WDR41: variants seen among roughly 807,000 people sequenced by gnomAD.
WDR41 encodes the protein WD repeat domain 41.
A neutral mutation model predicts 69.3 loss-of-function variants in WDR41; 63 were observed. The observed-to-expected ratio is 0.91, with a 90% CI of 0.74 to 1.12. The LOEUF is 1.12. Ranked by LOEUF, WDR41 falls within the 50% of genes most tolerant of loss-of-function variation. WDR41 has a pLI of 0.00. For missense variants in WDR41, 543 were observed against 534.5 expected (o/e 1.02, Z -0.16); for synonymous variants, 185 against 192.1 (o/e 0.96, Z 0.31).
chr5:77,583,262 C>A, intron 1 of WDR41: 1 of 614,624 alleles, frequency 1.6e-6, no homozygotes. Context: ...TCCCTGTTAT[C>A]TCAACATTTT....
At chr5:77,564,381 C>T (rs1052219336) in intron 1 of WDR41, among the ~76,000 whole-genome samples, 1 of 152,144 alleles carries the variant, frequency 6.6e-6, no homozygotes, top group African/African-American at 2.4e-5. Flanking sequence ...TATTAAGACT[C>T]TGTCTATATA....
chr5:77,613,822 G>A (rs1413591644), intron 1 of WDR41, among the ~76,000 whole-genome samples: 1 of 152,176 alleles, frequency 6.6e-6, no homozygotes, highest in African/African-American at 2.4e-5. Flanking sequence ...AAGAGCTTCT[G>A]CAAAGCAAAA....
intron 5 of WDR41, 36 bp downstream of exon 5, chr5:77,459,026 A>T (rs954128781): frequency 6.9e-7 from 1 of 1,442,780 alleles, no homozygotes; most frequent in African/African-American, 1.4e-5. Context: ...ACAAAAATAG[A>T]TTGTCATAAA....
intron 2 of WDR41, among the ~76,000 whole-genome samples, chr5:77,488,751 G>A (rs764331332): frequency 2.6e-5 from 4 of 152,128 alleles, no homozygotes; most frequent in Non-Finnish European, 5.9e-5. Flanking sequence ...AGAAAACATG[G>A]TGAATAAGAA....
chr5:77,478,679 A>G (rs1801082983), intron 2 of WDR41, among the ~76,000 whole-genome samples: 1 of 152,098 alleles, frequency 6.6e-6, no homozygotes, highest in Non-Finnish European at 1.5e-5. Context: ...CGTATTTCAA[A>G]ATAATAAGAG....
intron 10 of WDR41, 103 bp downstream of exon 10, chr5:77,438,137 C>T: frequency 6.5e-7 from 1 of 1,533,886 alleles, no homozygotes; most frequent in Non-Finnish European, 8.9e-7. Context: ...CACAGCAGGT[C>T]AAGCCATGAA....
intron 1 of WDR41, among the ~76,000 whole-genome samples, chr5:77,606,610 C>T (rs1268440528): frequency 6.6e-6 from 1 of 151,918 alleles, no homozygotes; most frequent in Non-Finnish European, 1.5e-5. Flanking sequence ...CAAGACCAGC[C>T]TGAGCAACAC....
intron 2 of WDR41, among the ~76,000 whole-genome samples, chr5:77,475,896 CA>C (rs1370737736): frequency 6.6e-6 from 1 of 151,864 alleles, no homozygotes; most frequent in Non-Finnish European, 1.5e-5. Flanking sequence ...ACATTCAAAC[CA>C]AAGGCAAAGA....
At chr5:77,528,854 AC>A in intron 1 of WDR41, among the ~76,000 whole-genome samples, 1 of 151,620 alleles carries the variant, frequency 6.6e-6, no homozygotes, top group Non-Finnish European at 1.5e-5. Flanking sequence ...TTAAAAAAGA[AC>A]TTTCAGCAAA....
chr5:77,529,220 A>G (rs1802489454), intron 1 of WDR41, among the ~76,000 whole-genome samples: 1 of 151,580 alleles, frequency 6.6e-6, no homozygotes, highest in Admixed American at 6.6e-5. Context: ...AACAAAATCA[A>G]TTTATTTCTA....
chr5:77,619,137 G>A (rs1029646840), intron 1 of WDR41, among the ~76,000 whole-genome samples: 2 of 152,164 alleles, frequency 1.3e-5, no homozygotes, highest in Non-Finnish European at 2.9e-5. Context: ...GTTTCACGGT[G>A]ATTACATAAG....
At chr5:77,531,806 G>A (rs1265963803) in intron 1 of WDR41, among the ~76,000 whole-genome samples, 1 of 152,024 alleles carries the variant, frequency 6.6e-6, no homozygotes, top group Non-Finnish European at 1.5e-5. Flanking sequence ...GCAACAAGGT[G>A]GATGAATCTT....
At chr5:77,436,160 AT>A in intron 12 of WDR41, 100 bp downstream of exon 12, 1 of 1,444,554 alleles carries the variant, frequency 6.9e-7, no homozygotes, top group Non-Finnish European at 9.3e-7. Context: ...ACCTACAGAT[AT>A]AAGAAAAAGT....
chr5:77,611,060 G>A (rs1480188431), intron 1 of WDR41, among the ~76,000 whole-genome samples: 1 of 152,070 alleles, frequency 6.6e-6, no homozygotes, highest in Non-Finnish European at 1.5e-5. Context: ...AGACAAACAA[G>A]GCCATTATAT....
chr5:77,613,848 G>C (rs1052054456), intron 1 of WDR41, among the ~76,000 whole-genome samples: 1 of 152,212 alleles, frequency 6.6e-6, no homozygotes, highest in African/African-American at 2.4e-5. Flanking sequence ...TACCATTAGA[G>C]TGAACAGGCA....
chr5:77,516,274 AAACTGTGTATAACAG>A (rs1458763107), intron 1 of WDR41, among the ~76,000 whole-genome samples: 3 of 152,348 alleles, frequency 2.0e-5, no homozygotes, highest in African/African-American at 7.2e-5. Flanking sequence ...GCATTTCTAT[AAACTGTGTATAACAG>A]TACCCTTTCT....
At chr5:77,594,986 G>T (rs1468522613) in intron 1 of WDR41, among the ~76,000 whole-genome samples, 6 of 152,286 alleles carry the variant, frequency 3.9e-5, no homozygotes, top group African/African-American at 1.2e-4. Context: ...AAAGGTGAAA[G>T]ATGAGGAAAC....
At chr5:77,478,009 C>G (rs1581748323) in intron 2 of WDR41, among the ~76,000 whole-genome samples, 1 of 151,958 alleles carries the variant, frequency 6.6e-6, no homozygotes, top group Non-Finnish European at 1.5e-5. Flanking sequence ...ACTGATCCCA[C>G]AGAAATACAA....
At chr5:77,501,477 T>C (rs938825479) in intron 1 of WDR41, among the ~76,000 whole-genome samples, 4 of 152,226 alleles carry the variant, frequency 2.6e-5, no homozygotes, top group Non-Finnish European at 5.9e-5. Flanking sequence ...AGCAGACAAC[T>C]TCTGCAGACT....
Sources: gnomAD v4.1 joint callset for allele counts (sites outside exome capture counted in the v4.1 genomes callset) on GRCh38, gnomAD v4.1.1 for gene constraint, MANE v1.5 for transcripts, NCBI Gene and HGNC (gene_info 2026-07-23, HGNC 2026-07-21) for gene names.